The following FRS2 variants were observed in gnomAD, a reference collection of about 807,000 sequenced individuals.
FRS2 encodes the protein FGFR signalling adaptor.
Under a neutral mutation model 43.9 loss-of-function variants are expected in FRS2, and 8 were observed. The ratio of observed to expected loss-of-function variants is 0.18; its 90% CI spans 0.11 to 0.33. FRS2 has a LOEUF of 0.33. Ranked by LOEUF, FRS2 falls within the 10% of genes least tolerant of loss-of-function variation. The pLI is 1.00. For missense variants in FRS2, 534 were observed against 627.6 expected, an observed-to-expected ratio of 0.85 and a Z score of 1.59; for synonymous variants, 219 against 220.3, an observed-to-expected ratio of 0.99 and a Z score of 0.05.
chr12:69,532,874 T>G (rs1876941931), intron 3 of FRS2, among the ~76,000 whole-genome samples: 1 of 152,218 alleles, frequency 6.6e-6, no homozygotes, highest in Non-Finnish European at 1.5e-5. Context: ...CCGCCATCCT[T>G]TTTAAAAACT....
intron 1 of FRS2, among the ~76,000 whole-genome samples, chr12:69,508,023 T>C: frequency 4.2e-5 from 1 of 23,690 alleles, no homozygotes; most frequent in South Asian, 1.6e-3. Flanking sequence ...AAACCCCGTC[T>C]CAAAAAAAAA....
At chr12:69,515,066 G>T (rs1438009419) in intron 1 of FRS2, among the ~76,000 whole-genome samples, 1 of 152,192 alleles carries the variant, frequency 6.6e-6, no homozygotes, top group East Asian at 1.9e-4. Flanking sequence ...TCATTTTAGA[G>T]ATTAAAAGAT....
chr12:69,562,995 C>T (rs1371882956), intron 4 of FRS2, among the ~76,000 whole-genome samples: 1 of 152,242 alleles, frequency 6.6e-6, no homozygotes, highest in East Asian at 1.9e-4. Context: ...ACCCGGCCTA[C>T]CTTTTGTTCT....
chr12:69,507,128 C>G (rs1874011939), intron 1 of FRS2, among the ~76,000 whole-genome samples: 1 of 152,192 alleles, frequency 6.6e-6, no homozygotes, highest in South Asian at 2.1e-4. Flanking sequence ...TTATAAATTG[C>G]TCAGTTTTAG....
chr12:69,470,774 C>G (rs572713025), intron 1 of FRS2, among the ~76,000 whole-genome samples: 126 of 152,244 alleles, frequency 8.3e-4, no homozygotes, highest in Non-Finnish European at 1.6e-3. Flanking sequence ...GCTGTTGGGA[C>G]TCGAGAGTGG....
At chr12:69,568,587 C>G (rs1242936276) in intron 4 of FRS2, among the ~76,000 whole-genome samples, 1 of 151,960 alleles carries the variant, frequency 6.6e-6, no homozygotes, top group East Asian at 1.9e-4. Context: ...CTCTCTCTCT[C>G]TGTCCCTCTC....
Position 69,552,025 on chromosome 12 carries a change from G to T in FRS2, c.-121-10155G>T, listed in dbSNP as rs746173060. Among the ~76,000 whole-genome samples the T allele has an allele frequency of 4.0e-5, 6 of 151,854 alleles. No individual in the cohort carries two copies. The East Asian group carries it at 1.2e-3, about 29-fold the overall frequency. ...TCAGTCTTAAAATCAGTCATCTCTGGCCGGGCACGGTGGCTCATGCCTGTA... is the reference window on the plus strand; with the variant it reads ...TCAGTCTTAAAATCAGTCATCTCTGTCCGGGCACGGTGGCTCATGCCTGTA... On this transcript the variant is annotated intron_variant, in intron 3 of 8. Coordinates refer to ENST00000549921, the MANE Select transcript of FRS2 (RefSeq NM_001278356.2).
At chr12:69,502,156 G>C (rs1873511414) in intron 1 of FRS2, among the ~76,000 whole-genome samples, 1 of 151,972 alleles carries the variant, frequency 6.6e-6, no homozygotes, top group South Asian at 2.1e-4. Flanking sequence ...AGTGGAGACG[G>C]GGTTTTACCG....
chr12:69,540,468 T>G (rs1012996917), intron 3 of FRS2, among the ~76,000 whole-genome samples: 5 of 151,842 alleles, frequency 3.3e-5, no homozygotes, highest in African/African-American at 4.8e-5. Context: ...ATAAGTAAAG[T>G]ATAAAGTAGT....
chr12:69,472,174 A>G (rs1000052036), intron 1 of FRS2, among the ~76,000 whole-genome samples: 2 of 151,278 alleles, frequency 1.3e-5, no homozygotes, highest in Non-Finnish European at 2.9e-5. Flanking sequence ...GCAGCCTCCA[A>G]CTCCTGGACT....
intron 1 of FRS2, among the ~76,000 whole-genome samples, chr12:69,482,662 T>TA (rs1268293399): frequency 1.3e-5 from 2 of 152,254 alleles, no homozygotes; most frequent in South Asian, 2.1e-4. Context: ...TTTATATATT[T>TA]AAAATGAATG....
In FRS2 at chr12:69,481,759, G is replaced by T. The variant is rs144487931; in HGVS notation, c.-261+11229G>T. Among the ~76,000 whole-genome samples the T allele has an allele frequency of 2.8e-4, 42 of 152,158 alleles. No individual in the cohort carries two copies. In the East Asian group the frequency reaches 5.4e-3, roughly 20 times the overall value. Reference sequence around the variant, plus strand: ...TATTTTACGGAAGGTTTTTCAATTTGGACTTGTCTGATTTGATCTGATTAG... The same window carrying T: ...TATTTTACGGAAGGTTTTTCAATTTTGACTTGTCTGATTTGATCTGATTAG... On this transcript the variant is annotated intron_variant, in intron 1 of 8. Transcript: ENST00000549921.
intron 1 of FRS2, among the ~76,000 whole-genome samples, chr12:69,514,582 C>A (rs2135584937): frequency 6.6e-6 from 1 of 152,266 alleles, no homozygotes; most frequent in Non-Finnish European, 1.5e-5. Flanking sequence ...CCTTTAATCC[C>A]AGCACTTTAG....
intron 3 of FRS2, among the ~76,000 whole-genome samples, chr12:69,538,394 G>A (rs1344131413): frequency 1.3e-5 from 2 of 151,510 alleles, no homozygotes; most frequent in Non-Finnish European, 2.9e-5. Flanking sequence ...AATACAGAAT[G>A]CTAATCGGCG....
chr12:69,558,515 C>G (rs1879621213), intron 3 of FRS2, among the ~76,000 whole-genome samples: 1 of 152,166 alleles, frequency 6.6e-6, no homozygotes, highest in South Asian at 2.1e-4. Flanking sequence ...AAGGAACTAC[C>G]TGGTTCTCCT....
intron 1 of FRS2, among the ~76,000 whole-genome samples, chr12:69,497,927 A>G (rs369415917): frequency 1.3e-5 from 2 of 152,182 alleles, no homozygotes; most frequent in East Asian, 3.9e-4. Flanking sequence ...AGATGTTTCA[A>G]ATGGTAAGGT....
chr12:69,474,043 A>G (rs12369864), intron 1 of FRS2, among the ~76,000 whole-genome samples: 29,257 of 152,046 alleles, frequency 0.19, 3,069 homozygotes, highest in Middle Eastern at 0.3. Context: ...GGGTTTCACC[A>G]TGTTGACCAG....
At chr12:69,527,234 A>C (rs1175188975) in intron 1 of FRS2, among the ~76,000 whole-genome samples, 2 of 151,568 alleles carry the variant, frequency 1.3e-5, no homozygotes, top group African/African-American at 4.9e-5. Flanking sequence ...TAATGCCCTT[A>C]ATAATCCCCT....
intron 1 of FRS2, among the ~76,000 whole-genome samples, chr12:69,493,733 A>G (rs1872656863): frequency 6.6e-6 from 1 of 152,230 alleles, no homozygotes; most frequent in Non-Finnish European, 1.5e-5. Flanking sequence ...AAAACAAAAC[A>G]AAACAAAAAA....
Sources: gnomAD v4.1 joint callset for allele counts (sites outside exome capture counted in the v4.1 genomes callset) on GRCh38, gnomAD v4.1.1 for gene constraint, MANE v1.5 for transcripts, NCBI Gene and HGNC (gene_info 2026-07-23, HGNC 2026-07-21) for gene names.